The following POU6F2 variants were observed in gnomAD, a reference collection of about 807,000 sequenced individuals.
The protein encoded by POU6F2 is POU domain, class 6, transcription factor 2.
POU6F2 carries 31 observed loss-of-function variants against 71.3 expected under a neutral mutation model. The ratio of observed to expected loss-of-function variants is 0.43; its 90% CI spans 0.33 to 0.59. The LOEUF is 0.59. Ranked by LOEUF, POU6F2 falls within the 20% of genes least tolerant of loss-of-function variation. The pLI is 0.04. For missense variants in POU6F2, 783 were observed against 856.8 expected (o/e 0.91, Z 1.07); for synonymous variants, 347 against 355.7 (o/e 0.98, Z 0.27).
At chr7:39,330,197 A>G (rs1457605430) in intron 4 of POU6F2, among the ~76,000 whole-genome samples, 1 of 152,144 alleles carries the variant, frequency 6.6e-6, no homozygotes, top group African/African-American at 2.4e-5. Context: ...TTGATATATC[A>G]TCTGTTCATT....
intron 6 of POU6F2, among the ~76,000 whole-genome samples, chr7:39,407,845 C>T (rs959037476): frequency 1.3e-5 from 2 of 152,136 alleles, no homozygotes; most frequent in Non-Finnish European, 2.9e-5. Flanking sequence ...GTGGTATTGT[C>T]CCGTCAGAAC....
intron 4 of POU6F2, among the ~76,000 whole-genome samples, chr7:39,331,760 C>T (rs1005020187): frequency 1.3e-5 from 2 of 152,242 alleles, no homozygotes; most frequent in African/African-American, 2.4e-5. Context: ...ACCTGGCCGC[C>T]TCGGCCTCCC....
rs1238169536 is a variant in POU6F2 at position 39,225,373 on chromosome 7, A to G, written c.598+17753A>G. 2.0e-5 allele frequency among the ~76,000 whole-genome samples: 3 copies of G among 152,294 alleles called. No individual in the cohort carries two copies. The East Asian group carries it at 5.8e-4, about 29-fold the overall frequency. On this transcript the variant is annotated intron_variant, in intron 4 of 9. Coordinates refer to ENST00000518318, the MANE Select transcript of POU6F2 (RefSeq NM_001370959.1). ...GTTCCTAACTGCCCAACTTTCCCCT[A>G]ACTTAAAGTTGTTTTAATCAGGCTA...
chr7:39,008,446 C>A (rs756948117), intron 1 of POU6F2, among the ~76,000 whole-genome samples: 3 of 150,778 alleles, frequency 2.0e-5, no homozygotes, highest in Admixed American at 2.0e-4. Context: ...GAGTAGGTTG[C>A]GAAAATTTTC....
chr7:39,196,493 C>G (rs1195836722), intron 2 of POU6F2, among the ~76,000 whole-genome samples: 1 of 152,204 alleles, frequency 6.6e-6, no homozygotes, highest in Admixed American at 6.5e-5. Flanking sequence ...CGCAGTGGCT[C>G]ACGCCTGTAA....
intron 4 of POU6F2, among the ~76,000 whole-genome samples, chr7:39,226,506 C>T (rs1026432438): frequency 1.3e-5 from 2 of 152,178 alleles, no homozygotes; most frequent in Non-Finnish European, 2.9e-5. Context: ...AGAAGCTTCT[C>T]CTTAGTTCTT....
At chr7:39,207,675 C>A in intron 4 of POU6F2, 55 bp downstream of exon 4, 1 of 1,492,406 alleles carries the variant, frequency 6.7e-7, no homozygotes, top group Admixed American at 2.0e-5. Flanking sequence ...CCAGTATTCT[C>A]TGAAGTGGGC....
intron 4 of POU6F2, among the ~76,000 whole-genome samples, chr7:39,302,329 T>C (rs1180529803): frequency 6.6e-6 from 1 of 152,162 alleles, no homozygotes; most frequent in Admixed American, 6.5e-5. Context: ...AAAAATGCAC[T>C]GTTGGGGGGT....
At chr7:39,294,021 A>G (rs1028919048) in intron 4 of POU6F2, among the ~76,000 whole-genome samples, 1 of 152,094 alleles carries the variant, frequency 6.6e-6, no homozygotes, top group Non-Finnish European at 1.5e-5. Flanking sequence ...TTGGTATTAA[A>G]ATTGAGAGGC....
At chr7:39,360,239 A>C (rs1786349820) in intron 5 of POU6F2, among the ~76,000 whole-genome samples, 1 of 152,224 alleles carries the variant, frequency 6.6e-6, no homozygotes, top group Non-Finnish European at 1.5e-5. Context: ...TCCTTTTGAG[A>C]TATACTGCCC....
chr7:39,275,589 G>A (rs1162495539), intron 4 of POU6F2, among the ~76,000 whole-genome samples: 1 of 152,172 alleles, frequency 6.6e-6, no homozygotes, highest in Admixed American at 6.5e-5. Flanking sequence ...AGCCCGCATT[G>A]CCAAGTCAAT....
chr7:39,416,354 A>C (rs565412669), intron 6 of POU6F2, among the ~76,000 whole-genome samples: 9 of 152,326 alleles, frequency 5.9e-5, no homozygotes, highest in Admixed American at 5.9e-4. Flanking sequence ...CCTGGCTTCC[A>C]GTGAGGCAAC....
intron 2 of POU6F2, among the ~76,000 whole-genome samples, chr7:39,171,983 G>C (rs964477551): frequency 1.3e-5 from 2 of 152,156 alleles, no homozygotes; most frequent in Admixed American, 6.5e-5. Flanking sequence ...GGAGAACAGA[G>C]AGTCTGCAAA....
chr7:39,061,022 A>G (rs546429702), intron 1 of POU6F2, among the ~76,000 whole-genome samples: 1 of 152,196 alleles, frequency 6.6e-6, no homozygotes, highest in East Asian at 1.9e-4. Flanking sequence ...ATTGATATTT[A>G]TTAAATTATA....
At chr7:39,284,320 T>C (rs1463084242) in intron 4 of POU6F2, among the ~76,000 whole-genome samples, 2 of 152,186 alleles carry the variant, frequency 1.3e-5, no homozygotes, top group African/African-American at 4.8e-5. Flanking sequence ...TATAATAAAC[T>C]CCTGTGAGCT....
intron 4 of POU6F2, among the ~76,000 whole-genome samples, chr7:39,213,623 A>G (rs1239799102): frequency 1.3e-5 from 2 of 152,180 alleles, no homozygotes; most frequent in Admixed American, 1.3e-4. Flanking sequence ...AAATGGATTC[A>G]TATTATATGT....
intron 4 of POU6F2, among the ~76,000 whole-genome samples, chr7:39,336,365 C>T (rs1253685962): frequency 2.6e-5 from 4 of 152,154 alleles, no homozygotes; most frequent in African/African-American, 9.7e-5. Context: ...TCTATGGACT[C>T]ACTTATTCTG....
intron 2 of POU6F2, among the ~76,000 whole-genome samples, chr7:39,104,798 TC>T (rs1183697606): frequency 6.6e-6 from 1 of 152,232 alleles, no homozygotes; most frequent in African/African-American, 2.4e-5. Context: ...TTATTTCTTT[TC>T]TGTCTCATAA....
intron 4 of POU6F2, among the ~76,000 whole-genome samples, chr7:39,274,330 C>A (rs1784395487): frequency 6.6e-6 from 1 of 152,088 alleles, no homozygotes; most frequent in Admixed American, 6.6e-5. Context: ...AACACATACA[C>A]TCTCCCAAGA....
Sources: gnomAD v4.1 joint callset for allele counts (sites outside exome capture counted in the v4.1 genomes callset) on GRCh38, gnomAD v4.1.1 for gene constraint, MANE v1.5 for transcripts, NCBI Gene and HGNC (gene_info 2026-07-23, HGNC 2026-07-21) for gene names.